The following DARS1 variants were observed in gnomAD, a reference collection of about 807,000 sequenced individuals.
The protein encoded by DARS1 is aspartate--tRNA ligase, cytoplasmic.
In DARS1, 51 loss-of-function variants were observed where a neutral mutation model predicts 68.8. The observed-to-expected ratio is 0.74, with a 90% CI of 0.59 to 0.94. DARS1 has a LOEUF of 0.94. Among genes scored for constraint, DARS1 ranks in the 40% least tolerant of loss-of-function variants. The pLI is 0.00. For synonymous variants in DARS1, 203 were observed against 190.4 expected (o/e 1.07, Z -0.55); for missense variants, 607 against 597.3 (o/e 1.02, Z -0.17).
intron 3 of DARS1, among the ~76,000 whole-genome samples, chr2:135,974,568 C>T (rs978425622): frequency 6.6e-6 from 1 of 152,094 alleles, no homozygotes; most frequent in African/African-American, 2.4e-5. Context: ...TTTTAATCTA[C>T]TTTTTAAAAC....
chr2:135,911,555 G>A (rs1010694645), intron 13 of DARS1, 62 bp from the exon 14 acceptor site: 5 of 728,034 alleles, frequency 6.9e-6, no homozygotes, highest in South Asian at 3.3e-5. Context: ...ACATATATAC[G>A]GAAAAAAATC....
chr2:135,907,806 T>G (rs1012980236), intron 15 of DARS1, among the ~76,000 whole-genome samples: 1 of 152,188 alleles, frequency 6.6e-6, no homozygotes, highest in Non-Finnish European at 1.5e-5. Flanking sequence ...TAAGCAATAA[T>G]AGAAGTATGA....
Position 135,912,478 on chromosome 2 carries a change from T to C in DARS1, c.1230+8A>G, listed in dbSNP as rs759006916. On this transcript the variant is annotated splice_region_variant and intron_variant, in intron 13 of 15. Coordinates refer to ENST00000264161, the MANE Select transcript of DARS1 (RefSeq NM_001349.4). ...TCAAAATGGGTTACTTAAAACCAAA[T>C]TACTTACGGGATTTCTTGGGTCAGG... 7 of 952,612 alleles carry C rather than the reference T, an allele frequency of 7.3e-6. No homozygotes were observed. The highest frequency in any genetic ancestry group is 1.2e-5 in the Non-Finnish European group (7 of 600,596). The allele number at this position is 952,612 out of a possible 1,614,324, so 59.0% of individuals were successfully genotyped here.
Position 135,932,822 on chromosome 2 carries a change from GT to G in DARS1, c.524del (p.Asn175ThrfsTer6). On this transcript the variant is annotated frameshift_variant, in exon 7 of 16. Transcript: ENST00000264161. LOFTEE classifies it high-confidence loss of function. The stretch of plus-strand genomic sequence containing the variant: ...CTCTGTTGTCTAATCTTGTATCCTG[GT>G]TAACAGTAGCTCTTCCTTCCTAAAA... Reference protein sequence around the residue: ...EGEEEGRATVNQDTRLDNRVI... With the variant: ...EGEEEGRATVXQDTRLDNRVI... 1 of 1,317,142 alleles carries G rather than the reference GT, an allele frequency of 7.6e-7. No homozygotes were observed. Among genetic ancestry groups the G allele is most frequent in the Non-Finnish European group, 1.1e-6 (1 of 923,398 alleles). The allele number at this position is 1,317,142 out of a possible 1,614,324, so 81.6% of individuals were successfully genotyped here.
At chr2:135,928,218 T>C (rs572773310) in intron 7 of DARS1, among the ~76,000 whole-genome samples, 1 of 152,304 alleles carries the variant, frequency 6.6e-6, no homozygotes, top group East Asian at 1.9e-4. Context: ...TTGCTTTTAA[T>C]GGCTGTAGAG....
chr2:135,907,591 C>A (rs909850382), intron 15 of DARS1, among the ~76,000 whole-genome samples, 184 bp from the exon 16 acceptor site: 4 of 151,978 alleles, frequency 2.6e-5, no homozygotes, highest in African/African-American at 7.2e-5. Context: ...AAAGATGCTG[C>A]TATAAATGAA....
intron 7 of DARS1, among the ~76,000 whole-genome samples, chr2:135,929,727 T>C (rs1242120287): frequency 1.3e-5 from 2 of 152,182 alleles, no homozygotes; most frequent in Admixed American, 6.5e-5. Flanking sequence ...GTTTGGAAAA[T>C]ATGTATTGAA....
intron 4 of DARS1, among the ~76,000 whole-genome samples, chr2:135,948,440 A>G (rs1264041907): frequency 1.3e-5 from 2 of 152,218 alleles, no homozygotes. Flanking sequence ...CTCCTAAGAT[A>G]TATATGACAC....
At chr2:135,909,191 C>T (rs1680848529) in intron 15 of DARS1, among the ~76,000 whole-genome samples, 1 of 152,038 alleles carries the variant, frequency 6.6e-6, no homozygotes, top group Non-Finnish European at 1.5e-5. Flanking sequence ...GGCTTCATAC[C>T]TAGGTGATGG....
At chr2:135,973,689 T>C (rs886197358) in intron 3 of DARS1, among the ~76,000 whole-genome samples, 2 of 151,478 alleles carry the variant, frequency 1.3e-5, no homozygotes, top group African/African-American at 2.4e-5. Flanking sequence ...ACCCCATCTT[T>C]ACAAAAAAAA....
intron 10 of DARS1, among the ~76,000 whole-genome samples, chr2:135,919,014 G>A (rs988282684): frequency 6.6e-6 from 1 of 152,144 alleles, no homozygotes; most frequent in Non-Finnish European, 1.5e-5. Flanking sequence ...GTATTCTTAA[G>A]ATCAGTGATT....
chr2:135,916,895 G>A (rs1489464421), intron 10 of DARS1, among the ~76,000 whole-genome samples: 1 of 152,056 alleles, frequency 6.6e-6, no homozygotes, highest in Non-Finnish European at 1.5e-5. Flanking sequence ...ATTTTATTGA[G>A]ATTTAAAAGG....
rs1680796152 is a variant in DARS1 at position 135,907,041 on chromosome 2, A to T, written c.*275T>A. 4.6e-6 allele frequency: 1 copy of T among 218,374 alleles called. No individual in the cohort carries two copies. Among genetic ancestry groups the T allele is most frequent in the Non-Finnish European group, 9.1e-6 (1 of 110,234 alleles). 13.5% of individuals were successfully genotyped at this position (218,374 alleles called of 1,614,324 possible). On this transcript the variant is annotated 3_prime_UTR_variant, in exon 16 of 16. Transcript: ENST00000264161. ...GTAACAGAATATGAATTTGTAACAT[A>T]ACCATATGAATTTCTCAAGTTATTT...
intron 3 of DARS1, among the ~76,000 whole-genome samples, chr2:135,974,423 T>C (rs963893348): frequency 6.6e-6 from 1 of 152,032 alleles, no homozygotes. Flanking sequence ...AAAAGCAGAG[T>C]GAATAGTATA....
At chr2:135,963,748 C>T (rs549145795) in intron 3 of DARS1, among the ~76,000 whole-genome samples, 1 of 151,160 alleles carries the variant, frequency 6.6e-6, no homozygotes, top group African/African-American at 2.4e-5. Flanking sequence ...GGCATAATCT[C>T]GGCTCACTGC....
At chr2:135,923,361 C>A (rs1681147145) in intron 8 of DARS1, among the ~76,000 whole-genome samples, 1 of 152,138 alleles carries the variant, frequency 6.6e-6, no homozygotes, top group South Asian at 2.1e-4. Context: ...ACGATCTCGG[C>A]TCACTGCAAC....
intron 12 of DARS1, among the ~76,000 whole-genome samples, chr2:135,914,235 A>T (rs923293790): frequency 6.6e-6 from 1 of 152,210 alleles, no homozygotes; most frequent in East Asian, 1.9e-4. Context: ...ACCTCAGAAC[A>T]ACTTCGTAAA....
intron 12 of DARS1, among the ~76,000 whole-genome samples, chr2:135,914,148 A>T (rs1680952967): frequency 6.6e-6 from 1 of 152,222 alleles, no homozygotes; most frequent in African/African-American, 2.4e-5. Flanking sequence ...TACACAGGGA[A>T]GACCATTTCT....
At chr2:135,943,101 T>C (rs2104818990) in intron 5 of DARS1, 3 of 275,838 alleles carry the variant, frequency 1.1e-5, no homozygotes, top group Admixed American at 9.9e-5. Context: ...CAGAAAGAGA[T>C]GTGCCAGATT....
Sources: gnomAD v4.1 joint callset for allele counts (sites outside exome capture counted in the v4.1 genomes callset) on GRCh38, gnomAD v4.1.1 for gene constraint, MANE v1.5 for transcripts, NCBI Gene and HGNC (gene_info 2026-07-23, HGNC 2026-07-21) for gene names.